Variants in PATE1 observed in about 807,000 individuals in gnomAD.
PATE1 encodes the protein prostate and testis expressed protein 1.
PATE1 carries 21 observed loss-of-function variants against 13.1 expected under a neutral mutation model. That is an observed-to-expected ratio of 1.61 (90% CI 1.14 to 2.31). The LOEUF (loss-of-function observed/expected upper bound fraction) is 2.31, where lower values mean the gene tolerates loss of function less well. Ranked by LOEUF, PATE1 falls within the 30% of genes most tolerant of loss-of-function variation. The pLI is 0.00. For synonymous variants in PATE1, 52 were observed against 47.1 expected (o/e 1.10, Z -0.43); for missense variants, 166 against 147.2 (o/e 1.13, Z -0.66).
At position 125,746,644 on chromosome 11, in the gene PATE1, CTT is replaced by C. The variant is rs745805577; in HGVS notation, c.53-9_53-8del. 1 of 1,581,414 alleles carries C rather than the reference CTT, an allele frequency of 6.3e-7. No individual in the cohort carries two copies. Among genetic ancestry groups the C allele is most frequent in the Non-Finnish European group, 8.7e-7 (1 of 1,153,932 alleles). On this transcript the variant is annotated splice_polypyrimidine_tract_variant and intron_variant, in intron 1 of 4. Coordinates refer to ENST00000305738, the MANE Select transcript of PATE1 (RefSeq NM_138294.3). ...AATGAGGTCTGCAGACAGTGTATCT[CTT>C]TTTTTTTCCAACAGCATTATCTGGA...
intron 4 of PATE1, 179 bp downstream of exon 4, chr11:125,748,001 A>T: frequency 1.1e-6 from 1 of 933,878 alleles, no homozygotes; most frequent in East Asian, 2.7e-5. Flanking sequence ...GTGGTCACTA[A>T]GGAGGGTGGG....
intron 1 of PATE1, 112 bp from the exon 2 acceptor site, chr11:125,746,549 T>TG: frequency 7.1e-7 from 1 of 1,407,358 alleles, no homozygotes. Context: ...CCTTCCTTTA[T>TG]GGGGGGAAAT....
In PATE1 at chr11:125,747,243, G is replaced by C. The variant is rs1240629506; in HGVS notation, c.89-133G>C. 10 of 745,140 alleles carry C rather than the reference G, an allele frequency of 1.3e-5. No individual in the cohort carries two copies. The African/African-American group carries it at 1.6e-4, about 12-fold the overall frequency. The allele number at this position is 745,140 out of a possible 1,614,324, so 46.2% of individuals were successfully genotyped here. On this transcript the variant is annotated intron_variant, in intron 2 of 4. Coordinates refer to ENST00000305738, the MANE Select transcript of PATE1 (RefSeq NM_138294.3). ...GCCCAGTAGGTGACTAGGCATTAGG[G>C]GGACAGAGTGGGCCTGGAATGGCTC...
In PATE1 at chr11:125,748,738, T is replaced by C. The variant is rs1394052656; in HGVS notation, c.*5T>C. The C allele has an allele frequency of 6.2e-7, 1 of 1,611,412 alleles. No homozygotes were observed. The highest frequency in any genetic ancestry group is 1.7e-5 in the Admixed American group (1 of 59,432). On this transcript the variant is annotated 3_prime_UTR_variant, in exon 5 of 5. Transcript: ENST00000305738. ...CTGTGCAATGAAGACCTTTAGAAGT[T>C]AATGGTTCTTCTGTGACTCCAATTT... is the stretch of plus-strand genomic sequence containing the variant.
chr11:125,746,386 A>G, intron 1 of PATE1, 30 bp downstream of exon 1: 1 of 1,609,736 alleles, frequency 6.2e-7, no homozygotes, highest in Non-Finnish European at 8.5e-7. Flanking sequence ...AGCTGGTAAG[A>G]GTCCTGAATT....
chr11:125,747,352 G>A (rs765052100), intron 2 of PATE1, 24 bp from the exon 3 acceptor site: 3 of 1,608,140 alleles, frequency 1.9e-6, no homozygotes, highest in Non-Finnish European at 2.5e-6. Context: ...TTTCAGATGT[G>A]TTTTCTTTCT....
rs1303408756 is a variant in PATE1, at chr11:125,749,033, G to A, written c.*300G>A. On this transcript the variant is annotated 3_prime_UTR_variant, in exon 5 of 5. Transcript: ENST00000305738. Reference sequence around the variant, plus strand: ...TATAGCCAGTTCATTCAGAAAAGGAGGAAAGGGTAGTTTAATTTCAAAAAA... The same window carrying A: ...TATAGCCAGTTCATTCAGAAAAGGAAGAAAGGGTAGTTTAATTTCAAAAAA... 1 of 248,198 alleles carries A rather than the reference G, an allele frequency of 4.0e-6. No homozygotes were observed. The highest frequency in any genetic ancestry group is 7.6e-6 in the Non-Finnish European group (1 of 131,632). 15.4% of individuals were successfully genotyped at this position (248,198 alleles called of 1,614,324 possible).
chr11:125,747,036 C>A (rs527383974), intron 2 of PATE1, among the ~76,000 whole-genome samples: 6 of 152,192 alleles, frequency 3.9e-5, no homozygotes, highest in Non-Finnish European at 5.9e-5. Flanking sequence ...TTGTCAGATT[C>A]CAGGCACCCA....
chr11:125,747,997 A>G, intron 4 of PATE1, 175 bp downstream of exon 4: 1 of 969,300 alleles, frequency 1.0e-6, no homozygotes, highest in East Asian at 2.7e-5. Flanking sequence ...GGAGGTGGTC[A>G]CTAAGGAGGG....
intron 1 of PATE1, 106 bp downstream of exon 1, chr11:125,746,462 G>C (rs1239173373): frequency 7.3e-6 from 10 of 1,375,292 alleles, no homozygotes; most frequent in African/African-American, 1.4e-5. Flanking sequence ...ACTGAAGCAT[G>C]ATGAGCTTCT....
At chr11:125,747,073 T>C (rs1416414964) in intron 2 of PATE1, among the ~76,000 whole-genome samples, 1 of 152,028 alleles carries the variant, frequency 6.6e-6, no homozygotes, top group Non-Finnish European at 1.5e-5. Flanking sequence ...ACAGAGTCAA[T>C]TAAAAAGAAG....
Position 125,749,090 on chromosome 11 carries a change from T to C in PATE1, c.*357T>C, listed in dbSNP as rs550004413. The stretch of plus-strand genomic sequence containing the variant: ...CTTCCTCTTTCCTCTGCTGCTTTCC[T>C]TCCTTCTGTGGCAGGGTATTTTAAT... On this transcript the variant is annotated 3_prime_UTR_variant, in exon 5 of 5. Coordinates refer to ENST00000305738, the MANE Select transcript of PATE1 (RefSeq NM_138294.3). The C allele has an allele frequency of 6.4e-5, 11 of 172,566 alleles. No homozygotes were observed. Among genetic ancestry groups the C allele is most frequent in the Non-Finnish European group, 1.3e-4 (11 of 82,114 alleles). The allele number at this position is 172,566 out of a possible 1,614,324, so 10.7% of individuals were successfully genotyped here. A position where few individuals can be genotyped will look rare whatever the true frequency, so the allele number is the denominator to read the frequency against.
intron 2 of PATE1, 123 bp downstream of exon 2, chr11:125,746,819 C>T (rs547916523): frequency 1.0e-4 from 94 of 939,416 alleles, no homozygotes; most frequent in Middle Eastern, 5.3e-4. Flanking sequence ...AGTTCCAACA[C>T]GCAACAACCT....
chr11:125,747,585 TG>T, intron 3 of PATE1, 114 bp from the exon 4 acceptor site: 1 of 1,487,832 alleles, frequency 6.7e-7, no homozygotes, highest in Non-Finnish European at 9.2e-7. Flanking sequence ...TCACGCTTGA[TG>T]GGCTCTGGCA....
chr11:125,747,252 TG>T, intron 2 of PATE1, 123 bp from the exon 3 acceptor site: 2 of 793,064 alleles, frequency 2.5e-6, no homozygotes, highest in South Asian at 3.2e-5. Flanking sequence ...GGGGACAGAG[TG>T]GGCCTGGAAT....
chr11:125,748,834 A>G lies in PATE1; in HGVS notation c.*101A>G. 1.9e-6 allele frequency: 1 copy of G among 538,570 alleles called. No individual in the cohort carries two copies. The allele number at this position is 538,570 out of a possible 1,614,324, so 33.4% of individuals were successfully genotyped here. A position where few individuals can be genotyped will look rare whatever the true frequency, so the allele number is the denominator to read the frequency against. On this transcript the variant is annotated 3_prime_UTR_variant, in exon 5 of 5. Coordinates refer to ENST00000305738, the MANE Select transcript of PATE1 (RefSeq NM_138294.3). ...AAAAATCACACACACACACACACAC[A>G]CTACAGAAGAGGATTGCAAACACAT...
Position 125,748,814 on chromosome 11 carries a change from T to TCACACA in PATE1, c.*97_*102dup, listed in dbSNP as rs71750638. 31 of 1,043,822 alleles carry TCACACA rather than the reference T, an allele frequency of 3.0e-5. No homozygotes were observed. The South Asian group carries it at 3.3e-4, about 11-fold the overall frequency. The allele number at this position is 1,043,822 out of a possible 1,614,324, so 64.7% of individuals were successfully genotyped here. On this transcript the variant is annotated 3_prime_UTR_variant, in exon 5 of 5. Transcript: ENST00000305738. ...CTTCACAATGACTTTCTAAAAAAAA[T>TCACACA]CACACACACACACACACACACTACA... is the stretch of plus-strand genomic sequence containing the variant.
chr11:125,746,441 G>A (rs1222977015), intron 1 of PATE1, 85 bp downstream of exon 1: 3 of 1,469,366 alleles, frequency 2.0e-6, no homozygotes, highest in Non-Finnish European at 2.8e-6. Flanking sequence ...TCTCATGGGA[G>A]TCCTATGGCA....
intron 4 of PATE1, chr11:125,748,087 G>A (rs1188444137): frequency 2.2e-6 from 1 of 459,618 alleles, no homozygotes; most frequent in African/African-American, 2.0e-5. Flanking sequence ...AAGAGAATAG[G>A]TGTAATCTAT....
Sources: allele counts gnomAD v4.1 joint callset (sites outside exome capture counted in the v4.1 genomes callset), GRCh38; gene constraint gnomAD v4.1.1; transcripts MANE v1.5; gene names NCBI Gene and HGNC (gene_info 2026-07-23, HGNC 2026-07-21).